PARD3B: variants seen among roughly 807,000 people sequenced by gnomAD.
PARD3B encodes partitioning defective 3 homolog B.
In PARD3B, 103 loss-of-function variants were observed where a neutral mutation model predicts 130.2. That is an observed-to-expected ratio of 0.79 (90% CI 0.67 to 0.93). The LOEUF (loss-of-function observed/expected upper bound fraction) is 0.93. PARD3B is among the 40% of genes least tolerant of loss of function. The pLI, the probability that PARD3B is intolerant of heterozygous loss-of-function variation, is 0.00. For synonymous variants in PARD3B, 583 were observed against 553.2 expected, an observed-to-expected ratio of 1.05 and a Z score of -0.76; for missense variants, 1,609 against 1,499.2, an observed-to-expected ratio of 1.07 and a Z score of -1.21.
intron 18 of PARD3B, among the ~76,000 whole-genome samples, chr2:205,350,628 A>G (rs2043964129): frequency 1.3e-5 from 2 of 152,088 alleles, no homozygotes; most frequent in Admixed American, 6.5e-5. Flanking sequence ...TCTTTTTATA[A>G]CTTTTAATCA....
intron 3 of PARD3B, among the ~76,000 whole-genome samples, chr2:205,018,757 T>G (rs1696366448): frequency 1.1e-5 from 1 of 90,836 alleles, no homozygotes; most frequent in African/African-American, 4.4e-5. Flanking sequence ...AAAAGCACGC[T>G]GATTAATAAA....
At chr2:204,593,504 TC>T (rs1393597682) in intron 1 of PARD3B, among the ~76,000 whole-genome samples, 2 of 152,218 alleles carry the variant, frequency 1.3e-5, no homozygotes, top group Admixed American at 1.3e-4. Context: ...GGGCAAATTT[TC>T]GAATAGTTTG....
At chr2:204,784,134 G>A (rs1456363786) in intron 2 of PARD3B, among the ~76,000 whole-genome samples, 5 of 152,104 alleles carry the variant, frequency 3.3e-5, no homozygotes, top group African/African-American at 9.7e-5. Flanking sequence ...CTTGATAAGC[G>A]AGTGATTGTT....
At chr2:204,927,279 T>C (rs1180549229) in intron 2 of PARD3B, among the ~76,000 whole-genome samples, 1 of 152,004 alleles carries the variant, frequency 6.6e-6, no homozygotes, top group East Asian at 1.9e-4. Flanking sequence ...GGGGAGGTGA[T>C]TAAGTCATGA....
intron 20 of PARD3B, among the ~76,000 whole-genome samples, chr2:205,466,574 A>C (rs1575091799): frequency 6.6e-6 from 1 of 152,210 alleles, no homozygotes; most frequent in Non-Finnish European, 1.5e-5. Flanking sequence ...TATTAATACA[A>C]CTAAGTAATC....
At chr2:205,133,211 T>C (rs766382412) in intron 10 of PARD3B, among the ~76,000 whole-genome samples, 10 of 152,320 alleles carry the variant, frequency 6.6e-5, no homozygotes, top group East Asian at 1.9e-4. Context: ...ACAATCTAGT[T>C]GTACAGTTTA....
At chr2:205,608,520 C>T (rs1264660489) in intron 22 of PARD3B, among the ~76,000 whole-genome samples, 2 of 152,076 alleles carry the variant, frequency 1.3e-5, no homozygotes, top group African/African-American at 4.8e-5. Flanking sequence ...TTTTTTGTGG[C>T]CGCGCAGGAT....
chr2:205,133,341 G>A (rs1459775160), intron 10 of PARD3B, among the ~76,000 whole-genome samples: 1 of 152,126 alleles, frequency 6.6e-6, no homozygotes, highest in African/African-American at 2.4e-5. Context: ...TAATTTGTTA[G>A]AACAATGGTT....
chr2:205,434,092 G>C (rs904637801), intron 19 of PARD3B, among the ~76,000 whole-genome samples: 2 of 152,150 alleles, frequency 1.3e-5, no homozygotes, highest in African/African-American at 4.8e-5. Context: ...TTTCCAAAAG[G>C]GATTATGCCA....
In PARD3B at chr2:205,321,281, T is replaced by A. The variant is rs2042742800; in HGVS notation, c.2630+19580T>A. On this transcript the variant is annotated intron_variant, in intron 18 of 22. Coordinates refer to ENST00000406610, the MANE Select transcript of PARD3B (RefSeq NM_001302769.2). The surrounding 1 kb of genome is among the most constrained non-coding windows in gnomAD (Gnocchi z 4.2). ...TATATTCTTTGATTCATTTTCTTATTTATGTCTTTTTAACCTCAAAACTTA... is the reference window on the plus strand; with the variant it reads ...TATATTCTTTGATTCATTTTCTTATATATGTCTTTTTAACCTCAAAACTTA... Among the ~76,000 whole-genome samples the A allele has an allele frequency of 6.6e-6, 1 of 152,198 alleles. No homozygotes were observed. Among genetic ancestry groups the A allele is most frequent in the Non-Finnish European group, 1.5e-5 (1 of 68,030 alleles).
chr2:205,004,237 A>C (rs1358602839), intron 3 of PARD3B, among the ~76,000 whole-genome samples: 1 of 152,188 alleles, frequency 6.6e-6, no homozygotes, highest in Non-Finnish European at 1.5e-5. Flanking sequence ...TAGGGAAGAG[A>C]ATATCTAATC....
intron 3 of PARD3B, among the ~76,000 whole-genome samples, chr2:205,023,774 C>A (rs1696809755): frequency 6.6e-6 from 1 of 151,930 alleles, no homozygotes. Context: ...CATGGATGAA[C>A]TCAATCATTC....
intron 3 of PARD3B, among the ~76,000 whole-genome samples, chr2:205,037,510 A>G (rs1238626463): frequency 6.8e-6 from 1 of 146,530 alleles, no homozygotes; most frequent in Non-Finnish European, 1.5e-5. Flanking sequence ...ATAGTGGACT[A>G]TATATATAAA....
chr2:205,577,093 T>C (rs1173941833), intron 22 of PARD3B, among the ~76,000 whole-genome samples: 2 of 152,332 alleles, frequency 1.3e-5, no homozygotes, highest in African/African-American at 4.8e-5. Context: ...TTGCACTTGT[T>C]CATTACCAGT....
chr2:204,840,241 C>T (rs1290053346), intron 2 of PARD3B, among the ~76,000 whole-genome samples: 1 of 152,096 alleles, frequency 6.6e-6, no homozygotes, highest in Non-Finnish European at 1.5e-5. Flanking sequence ...AAATCAGAAG[C>T]ATTTCCAAAT....
In PARD3B at chr2:204,651,303, C is replaced by G. The variant is rs2035468240; in HGVS notation, c.121-34878C>G. Reference sequence around the variant, plus strand: ...AGTTACTTCCAATACAATGGGGGTACAGGCATTGGGTAGATGCTCCCATTC... The same window carrying G: ...AGTTACTTCCAATACAATGGGGGTAGAGGCATTGGGTAGATGCTCCCATTC... On this transcript the variant is annotated intron_variant, in intron 1 of 22. Coordinates refer to ENST00000406610, the MANE Select transcript of PARD3B (RefSeq NM_001302769.2). Among the ~76,000 whole-genome samples the G allele has an allele frequency of 2.6e-5, 4 of 152,216 alleles. No homozygotes were observed. The South Asian group carries it at 8.3e-4, about 31-fold the overall frequency.
chr2:205,193,981 C>T (rs1452719095), intron 15 of PARD3B, among the ~76,000 whole-genome samples: 2 of 152,044 alleles, frequency 1.3e-5, no homozygotes, highest in African/African-American at 4.8e-5. Flanking sequence ...GAGCAAGGGC[C>T]CCTGTTAACT....
rs2039484588 is a variant in PARD3B, at chr2:205,244,453, A to G, written c.2141-1325A>G. Among the ~76,000 whole-genome samples the G allele has an allele frequency of 6.6e-6, 1 of 152,220 alleles. No homozygotes were observed. Among genetic ancestry groups the G allele is most frequent in the Non-Finnish European group, 1.5e-5 (1 of 68,042 alleles). On this transcript the variant is annotated intron_variant, in intron 15 of 22. Transcript: ENST00000406610. This position sits in a 1 kb window ranked among gnomAD's most constrained non-coding sequence, Gnocchi z 4.7. ...GATTAAGAACTTTGCATCTGTGTTC[A>G]TGAAGGATGTGGGTTAGCAGTTTTC...
chr2:205,087,735 C>G (rs1235282222), intron 4 of PARD3B, among the ~76,000 whole-genome samples: 2 of 152,090 alleles, frequency 1.3e-5, no homozygotes. Flanking sequence ...ATGAATGTCA[C>G]CATTTCATCC....
Sources: allele counts gnomAD v4.1 joint callset (sites outside exome capture counted in the v4.1 genomes callset), GRCh38; gene constraint gnomAD v4.1.1; non-coding constraint Gnocchi (gnomAD v3.1); transcripts MANE v1.5; gene names NCBI Gene and HGNC (gene_info 2026-07-23, HGNC 2026-07-21).